The following CCDC92B variants were observed in gnomAD, a reference collection of about 807,000 sequenced individuals.
The protein encoded by CCDC92B is coiled-coil domain-containing 92B.
Under a neutral mutation model 5.6 loss-of-function variants are expected in CCDC92B, and 2 were observed. That is an observed-to-expected ratio of 0.36 (90% CI 0.15 to 1.12). CCDC92B has a LOEUF of 1.12. Ranked by LOEUF, CCDC92B falls within the 50% of genes most tolerant of loss-of-function variation. CCDC92B has a pLI of 0.40. For synonymous variants in CCDC92B, 115 were observed against 122.3 expected, an observed-to-expected ratio of 0.94 and a Z score of 0.39; for missense variants, 271 against 262.2, an observed-to-expected ratio of 1.03 and a Z score of -0.23.
chr17:2,740,134 T>G (rs147837664), intron 1 of CCDC92B, among the ~76,000 whole-genome samples: 2 of 152,226 alleles, frequency 1.3e-5, no homozygotes, highest in East Asian at 3.9e-4. Flanking sequence ...TTTTAGGCTG[T>G]AACTTTCTGC....
At chr17:2,729,472 C>A in intron 3 of CCDC92B, among the ~76,000 whole-genome samples, 1 of 121,186 alleles carries the variant, frequency 8.3e-6, no homozygotes. Context: ...CCAGCCTGGG[C>A]GACAAGAGCG....
intron 3 of CCDC92B, among the ~76,000 whole-genome samples, chr17:2,725,428 C>T (rs1040958996): frequency 4.6e-5 from 7 of 151,738 alleles, no homozygotes; most frequent in African/African-American, 1.7e-4. Flanking sequence ...CTCCTCCCCA[C>T]GTCCCCACCT....
chr17:2,741,505 TG>T (rs2070926087), intron 1 of CCDC92B, among the ~76,000 whole-genome samples: 1 of 42,034 alleles, frequency 2.4e-5, no homozygotes, highest in African/African-American at 2.0e-4. Context: ...GGCAAAATCC[TG>T]TGTCTCTACT....
rs2070648469 is a variant in CCDC92B at position 2,721,019 on chromosome 17, GAGA to G, written c.*3389_*3391del. The G allele has an allele frequency of 6.6e-6, 1 of 152,254 alleles. No individual in the cohort carries two copies. The highest frequency in any genetic ancestry group is 2.1e-4 in the South Asian group (1 of 4,834). The allele number at this position is 152,254 out of a possible 1,614,324, so 9.4% of individuals were successfully genotyped here. ...CCCCATTCAAGGCTGGCATGTCCAG[GAGA>G]AGGTGCTTGGAGACCCCCGGCTCCC... is the stretch of plus-strand genomic sequence containing the variant. On this transcript the variant is annotated 3_prime_UTR_variant, in exon 4 of 4. Coordinates refer to ENST00000614400, the MANE Select transcript of CCDC92B (RefSeq NM_001355573.2).
rs1467881256 is a variant in CCDC92B at position 2,723,185 on chromosome 17, C to T, written c.*1226G>A. 6.5e-6 allele frequency: 1 copy of T among 153,046 alleles called. No individual in the cohort carries two copies. The highest frequency in any genetic ancestry group is 2.4e-5 in the African/African-American group (1 of 41,446). 9.5% of individuals were successfully genotyped at this position (153,046 alleles called of 1,614,324 possible). A position where few individuals can be genotyped will look rare whatever the true frequency, so the allele number is the denominator to read the frequency against. ...AGCTGCCACTTCCAAGAAGCCAGGC[C>T]CTTCTTCTTTTTTTCGTTTTTGAGA... is the stretch of plus-strand genomic sequence containing the variant. On this transcript the variant is annotated 3_prime_UTR_variant, in exon 4 of 4. Coordinates refer to ENST00000614400, the MANE Select transcript of CCDC92B (RefSeq NM_001355573.2).
intron 1 of CCDC92B, among the ~76,000 whole-genome samples, chr17:2,742,989 C>A (rs1041651444): frequency 9.2e-5 from 14 of 152,180 alleles, no homozygotes; most frequent in African/African-American, 3.1e-4. Context: ...TATCCCAAAG[C>A]CAGTCACTTC....
At chr17:2,743,624 G>A (rs1392988719) in intron 1 of CCDC92B, among the ~76,000 whole-genome samples, 1 of 152,066 alleles carries the variant, frequency 6.6e-6, no homozygotes, top group Non-Finnish European at 1.5e-5. Context: ...CTTCCTGAAT[G>A]TGCCCAGCAC....
In CCDC92B at chr17:2,721,005, G is replaced by T. The variant is rs751641790; in HGVS notation, c.*3406C>A. ...AAGCCCTGCACATCCCCCATTCAAGGCTGGCATGTCCAGGAGAAGGTGCTT... is the reference window on the plus strand; with the variant it reads ...AAGCCCTGCACATCCCCCATTCAAGTCTGGCATGTCCAGGAGAAGGTGCTT... On this transcript the variant is annotated 3_prime_UTR_variant, in exon 4 of 4. Coordinates refer to ENST00000614400, the MANE Select transcript of CCDC92B (RefSeq NM_001355573.2). The T allele has an allele frequency of 6.6e-5, 10 of 152,206 alleles. No homozygotes were observed. Among genetic ancestry groups the T allele is most frequent in the Non-Finnish European group, 1.5e-4 (10 of 68,058 alleles). The allele number at this position is 152,206 out of a possible 1,614,324, so 9.4% of individuals were successfully genotyped here. A position where few individuals can be genotyped will look rare whatever the true frequency, so the allele number is the denominator to read the frequency against.
At chr17:2,743,314 C>T (rs2070943637) in intron 1 of CCDC92B, among the ~76,000 whole-genome samples, 1 of 152,186 alleles carries the variant, frequency 6.6e-6, no homozygotes, top group South Asian at 2.1e-4. Context: ...GCCTGTAGTC[C>T]CAGCTACTTG....
chr17:2,734,735 G>A (rs902526240), intron 2 of CCDC92B, among the ~76,000 whole-genome samples: 23 of 151,642 alleles, frequency 1.5e-4, no homozygotes, highest in South Asian at 4.2e-4. Context: ...TGATCCGCCC[G>A]CCTCGGCCTC....
intron 1 of CCDC92B, among the ~76,000 whole-genome samples, chr17:2,738,700 C>T (rs540423764): frequency 6.7e-6 from 1 of 149,478 alleles, no homozygotes; most frequent in East Asian, 2.0e-4. Flanking sequence ...GCGGAGCTTG[C>T]AGTGAGCTGA....
intron 2 of CCDC92B, among the ~76,000 whole-genome samples, chr17:2,733,260 C>G (rs865802481): frequency 2.9e-5 from 4 of 137,082 alleles, no homozygotes; most frequent in Admixed American, 7.5e-5. Context: ...TTCCTCTTCT[C>G]TTTTTTTTTT....
chr17:2,729,717 T>C (rs188313792), intron 3 of CCDC92B, among the ~76,000 whole-genome samples: 1 of 152,326 alleles, frequency 6.6e-6, no homozygotes, highest in East Asian at 1.9e-4. Flanking sequence ...AGTATATTCA[T>C]GTTGGGGTGC....
intron 1 of CCDC92B, chr17:2,748,411 G>C: frequency 2.0e-6 from 2 of 985,216 alleles, no homozygotes; most frequent in Non-Finnish European, 2.4e-6. Context: ...ACCACAGTCT[G>C]CCATATTATC....
chr17:2,729,511 A>AAAG (rs2070771680), intron 3 of CCDC92B, among the ~76,000 whole-genome samples: 1 of 151,730 alleles, frequency 6.6e-6, no homozygotes, highest in Non-Finnish European at 1.5e-5. Flanking sequence ...AAAAAAAAAA[A>AAAG]AAATTACTGT....
chr17:2,727,780 C>T (rs149845708), intron 3 of CCDC92B, among the ~76,000 whole-genome samples: 2,897 of 150,346 alleles, frequency 0.019, 51 homozygotes, highest in Admixed American at 0.056. Flanking sequence ...GCTGAGATCG[C>T]GCCACTGCAC....
At chr17:2,739,782 TTCTTCC>T (rs900863082) in intron 1 of CCDC92B, among the ~76,000 whole-genome samples, 1 of 152,092 alleles carries the variant, frequency 6.6e-6, no homozygotes, top group Non-Finnish European at 1.5e-5. Flanking sequence ...GCTACCTCCC[TTCTTCC>T]TCTTCTTCTC....
intron 2 of CCDC92B, among the ~76,000 whole-genome samples, chr17:2,734,444 G>GGATCCTA (rs2070835136): frequency 6.6e-6 from 1 of 151,720 alleles, no homozygotes; most frequent in Non-Finnish European, 1.5e-5. Flanking sequence ...CGGAAAGGAT[G>GGATCCTA]GGAACCTCCA....
Position 2,724,545 on chromosome 17 carries a change from G to A in CCDC92B, c.634C>T (p.Leu212Phe), listed in dbSNP as rs1409835481. 2 of 982,322 alleles carry A rather than the reference G, an allele frequency of 2.0e-6. No individual in the cohort carries two copies. The highest frequency in any genetic ancestry group is 6.2e-5 in the Admixed American group (1 of 16,028). 60.9% of individuals were successfully genotyped at this position (982,322 alleles called of 1,614,324 possible). Residue 212 changes from leucine (L) to phenylalanine (F), a missense_variant, in exon 4 of 4, where the codon CTC becomes TTC. Leu to Phe is a conservative substitution (Grantham distance 22). Transcript: ENST00000614400. The surrounding 1 kb of genome is among the most constrained non-coding windows in gnomAD (Gnocchi z 5.0). ...AGCGGCCTGCGTGCATAGAGGAAGA[G>A]CGCGGGGTCGGGCATGGGGTCGGCG... ...DDADPMPDPA[L>F]FLYARRPLRP...
Sources: allele counts gnomAD v4.1 joint callset (sites outside exome capture counted in the v4.1 genomes callset), GRCh38; gene constraint gnomAD v4.1.1; non-coding constraint Gnocchi (gnomAD v3.1); transcripts MANE v1.5; gene names NCBI Gene and HGNC (gene_info 2026-07-23, HGNC 2026-07-21).